GPRIN3: variants seen among roughly 807,000 people sequenced by gnomAD.
GPRIN3 encodes G protein-regulated inducer of neurite outgrowth 3.
GPRIN3 carries 12 observed loss-of-function variants against 13.7 expected under a neutral mutation model. The observed-to-expected ratio is 0.87, with a 90% confidence interval of 0.56 to 1.42. The LOEUF (loss-of-function observed/expected upper bound fraction) is 1.42. Ranked by LOEUF, GPRIN3 falls within the 40% of genes most tolerant of loss-of-function variation. The probability of loss-of-function intolerance (pLI) is 0.00; values close to 1 mark genes in which losing one functional copy is unlikely to be tolerated. For missense variants in GPRIN3, 1,009 were observed against 958.7 expected (o/e 1.05, Z -0.69); for synonymous variants, 377 against 372.7 (o/e 1.01, Z -0.13).
chr4:89,282,384 T>C (rs1214283708), intron 1 of GPRIN3, among the ~76,000 whole-genome samples: 2 of 152,192 alleles, frequency 1.3e-5, no homozygotes, highest in Non-Finnish European at 2.9e-5. Flanking sequence ...CATGCCTTGT[T>C]ACCTTGACCC....
chr4:89,280,575 T>C (rs1724218482), intron 1 of GPRIN3, among the ~76,000 whole-genome samples: 1 of 152,212 alleles, frequency 6.6e-6, no homozygotes, highest in South Asian at 2.1e-4. Context: ...GTTTCCTGAA[T>C]GCTCTCTACT....
chr4:89,274,433 A>C (rs1724040756), intron 1 of GPRIN3, among the ~76,000 whole-genome samples: 1 of 152,106 alleles, frequency 6.6e-6, no homozygotes, highest in Non-Finnish European at 1.5e-5. Flanking sequence ...GTGACGTCAA[A>C]ATTTCTCTTA....
At chr4:89,267,461 C>A (rs184755988) in intron 1 of GPRIN3, among the ~76,000 whole-genome samples, 1 of 152,060 alleles carries the variant, frequency 6.6e-6, no homozygotes, top group African/African-American at 2.4e-5. Context: ...CGGTGAGGTA[C>A]CCTTATTATA....
Position 89,249,984 on chromosome 4 carries a change from T to C in GPRIN3, c.127A>G (p.Asn43Asp). The C allele has an allele frequency of 6.2e-7, 1 of 1,614,218 alleles. No homozygotes were observed. The highest frequency in any genetic ancestry group is 8.5e-7 in the Non-Finnish European group (1 of 1,180,018). Residue 43 changes from asparagine to aspartate, a missense_variant, in exon 2 of 2, where the codon AAT (asparagine) becomes GAT (aspartate). Transcript: ENST00000609438. Reference protein sequence around the residue: ...PRHRPALLCKNANGFSGAPAE... With the variant: ...PRHRPALLCKDANGFSGAPAE... ...GGGGCACCTGAAAAGCCATTGGCAT[T>C]CTTACACAGGAGAGCTGGTCGATGC...
rs764156240 is a variant in GPRIN3, at chr4:89,247,825, G to A, written c.2286C>T (p.Arg762=). 3.1e-6 allele frequency: 5 copies of A among 1,613,924 alleles called. No homozygotes were observed. The highest frequency in any genetic ancestry group is 1.7e-5 in the Admixed American group (1 of 60,022). Residue 762 remains arginine (R), a synonymous_variant, in exon 2 of 2, where the codon CGC becomes CGT. Coordinates refer to ENST00000609438, the MANE Select transcript of GPRIN3 (RefSeq NM_198281.3). Reference sequence around the variant, plus strand: ...GGGCAGGACGGACGCAGCAGTTGGGGCGTCGGAAGTTCTGCAGCATGGACT... The same window carrying A: ...GGGCAGGACGGACGCAGCAGTTGGGACGTCGGAAGTTCTGCAGCATGGACT... ...VFQSMLQNFR[R]PNCCVRPAPS...
At position 89,248,730 on chromosome 4, in the gene GPRIN3, T is replaced by C. The variant is rs769825583; in HGVS notation, c.1381A>G (p.Ser461Gly). ...TAKKLAGTNS[S>G]SLKATAIDQI... ...TCAATGGCGGTAGCTTTCAGGGAGC[T>C]AGAATTAGTACCTGCGAGCTTTTTA... is the stretch of plus-strand genomic sequence containing the variant. The change falls in exon 2 of 2, where the codon AGC (serine) becomes GGC (glycine). Residue 461 changes from serine (S) to glycine (G), a missense_variant. Coordinates refer to ENST00000609438, the MANE Select transcript of GPRIN3 (RefSeq NM_198281.3). 3.7e-6 allele frequency: 6 copies of C among 1,614,052 alleles called. No homozygotes were observed. The highest frequency in any genetic ancestry group is 1.6e-4 in the Middle Eastern group (1 of 6,084).
At position 89,255,450 on chromosome 4, in the gene GPRIN3, A is replaced by T. The variant is rs536196987; in HGVS notation, c.-123-5217T>A. 1.1e-4 allele frequency among the ~76,000 whole-genome samples: 17 copies of T among 152,354 alleles called. No individual in the cohort carries two copies. In the South Asian group the frequency reaches 3.5e-3, roughly 32 times the overall value. On this transcript the variant is annotated intron_variant, in intron 1 of 1. Transcript: ENST00000609438. ...TATTCTGACACTTGTTAAAATGGTAAGAAGACTTTATTCAGGACTTTTGTG... is the reference window on the plus strand; with the variant it reads ...TATTCTGACACTTGTTAAAATGGTATGAAGACTTTATTCAGGACTTTTGTG...
intron 1 of GPRIN3, among the ~76,000 whole-genome samples, chr4:89,282,343 A>G (rs1344515844): frequency 1.3e-5 from 2 of 152,212 alleles, no homozygotes; most frequent in South Asian, 2.1e-4. Flanking sequence ...TTTGTAAACA[A>G]TAAGATACTG....
rs190050704 is a variant in GPRIN3 at position 89,247,722 on chromosome 4, T to G, written c.*58A>C. ...GCAAAAAACTAAGCAAGCTTTGACA[T>G]AGAGGGACGCATGTGAATACCGTAA... On this transcript the variant is annotated 3_prime_UTR_variant, in exon 2 of 2. Coordinates refer to ENST00000609438, the MANE Select transcript of GPRIN3 (RefSeq NM_198281.3). 1.2e-4 allele frequency: 178 copies of G among 1,503,674 alleles called. 1 individual carries two copies. The African/African-American group carries it at 1.9e-3, about 16-fold the overall frequency. The allele number at this position is 1,503,674 out of a possible 1,614,324, so 93.1% of individuals were successfully genotyped here. A position where few individuals can be genotyped will look rare whatever the true frequency, so the allele number is the denominator to read the frequency against.
rs2149245717 is a variant in GPRIN3 at position 89,240,352 on chromosome 4, T to G, written c.*7428A>C. ...TTATCTCACCAACATCATCTGCAAT[T>G]TTTTTTCATTTAAATCTTTGACTTC... On this transcript the variant is annotated 3_prime_UTR_variant, in exon 2 of 2. Coordinates refer to ENST00000609438, the MANE Select transcript of GPRIN3 (RefSeq NM_198281.3). 1 of 152,268 alleles carries G rather than the reference T, an allele frequency of 6.6e-6. No homozygotes were observed. Among genetic ancestry groups the G allele is most frequent in the South Asian group, 2.1e-4 (1 of 4,828 alleles). The allele number at this position is 152,268 out of a possible 1,614,324, so 9.4% of individuals were successfully genotyped here.
At chr4:89,305,361 G>A (rs868269037) in intron 1 of GPRIN3, among the ~76,000 whole-genome samples, 55 of 152,230 alleles carry the variant, frequency 3.6e-4, no homozygotes, top group Middle Eastern at 3.4e-3. Context: ...CTCCACCAGC[G>A]GTTGCTGGCA....
rs1722902022 is a variant in GPRIN3, at chr4:89,240,800, A to T, written c.*6980T>A. The stretch of plus-strand genomic sequence containing the variant: ...TTTCAATTAGTGGTTTTAATTTGTG[A>T]TTTATCTGAATATACTAGTATAAAT... On this transcript the variant is annotated 3_prime_UTR_variant, in exon 2 of 2. Coordinates refer to ENST00000609438, the MANE Select transcript of GPRIN3 (RefSeq NM_198281.3). The T allele has an allele frequency of 6.6e-6, 1 of 152,188 alleles. No individual in the cohort carries two copies. The highest frequency in any genetic ancestry group is 6.6e-5 in the Admixed American group (1 of 15,262). 9.4% of individuals were successfully genotyped at this position (152,188 alleles called of 1,614,324 possible). A position where few individuals can be genotyped will look rare whatever the true frequency, so the allele number is the denominator to read the frequency against.
At chr4:89,274,962 C>T (rs746001816) in intron 1 of GPRIN3, among the ~76,000 whole-genome samples, 1 of 152,136 alleles carries the variant, frequency 6.6e-6, no homozygotes, top group Non-Finnish European at 1.5e-5. Context: ...CCGGAAAAGA[C>T]CCATTACTGA....
intron 1 of GPRIN3, among the ~76,000 whole-genome samples, chr4:89,302,109 G>C (rs1291045087): frequency 6.6e-6 from 1 of 152,192 alleles, no homozygotes; most frequent in Non-Finnish European, 1.5e-5. Flanking sequence ...TGCTACGCTA[G>C]ACCCTTGGGA....
In GPRIN3 at chr4:89,246,294, T is replaced by G. The variant is rs10516830; in HGVS notation, c.*1486A>C. ...CCGGTGCCCCTCCAGCATCTAAGTCTGGTTTTCTAAACGCAAAATGGAGAC... is the reference window on the plus strand; with the variant it reads ...CCGGTGCCCCTCCAGCATCTAAGTCGGGTTTTCTAAACGCAAAATGGAGAC... On this transcript the variant is annotated 3_prime_UTR_variant, in exon 2 of 2. Coordinates refer to ENST00000609438, the MANE Select transcript of GPRIN3 (RefSeq NM_198281.3). 16,936 of 152,178 alleles carry G rather than the reference T, an allele frequency of 0.11. 1,062 individuals are homozygous for G. The highest frequency in any genetic ancestry group is 0.24 in the East Asian group (1,253 of 5,152). The allele number at this position is 152,178 out of a possible 1,614,324, so 9.4% of individuals were successfully genotyped here. A position where few individuals can be genotyped will look rare whatever the true frequency, so the allele number is the denominator to read the frequency against.
chr4:89,304,329 T>C (rs2110031964), intron 1 of GPRIN3, among the ~76,000 whole-genome samples: 1 of 152,300 alleles, frequency 6.6e-6, no homozygotes, highest in South Asian at 2.1e-4. Flanking sequence ...CTTAAAGCAG[T>C]AGCTTTCAGA....
chr4:89,299,787 G>C (rs1377600155), intron 1 of GPRIN3, among the ~76,000 whole-genome samples: 2 of 152,114 alleles, frequency 1.3e-5, no homozygotes, highest in African/African-American at 2.4e-5. Flanking sequence ...AGCATCACTT[G>C]AAAGATTGAG....
intron 1 of GPRIN3, among the ~76,000 whole-genome samples, chr4:89,282,594 A>ATTTT (rs11306317): frequency 2.2e-5 from 3 of 135,588 alleles, no homozygotes; most frequent in Non-Finnish European, 4.8e-5. Flanking sequence ...TTTTTTTGCA[A>ATTTT]TTTTTTTTTT....
At position 89,282,676 on chromosome 4, in the gene GPRIN3, C is replaced by T. The variant is rs545942797; in HGVS notation, c.-124+24939G>A. Among the ~76,000 whole-genome samples, 3 of 150,820 alleles carry T rather than the reference C, an allele frequency of 2.0e-5. No individual in the cohort carries two copies. In the South Asian group the frequency reaches 6.3e-4, roughly 31 times the overall value. ...GCCCAAGACAATTATTCCAGCGTGA[C>T]CCAGGGAAGCCAAAAGACTGGACAA... On this transcript the variant is annotated intron_variant, in intron 1 of 1. Coordinates refer to ENST00000609438, the MANE Select transcript of GPRIN3 (RefSeq NM_198281.3).
Sources: allele counts gnomAD v4.1 joint callset (sites outside exome capture counted in the v4.1 genomes callset), GRCh38; gene constraint gnomAD v4.1.1; transcripts MANE v1.5; gene names NCBI Gene and HGNC (gene_info 2026-07-23, HGNC 2026-07-21).